The following SCRG1 variants were observed in gnomAD, a reference collection of about 807,000 sequenced individuals.
SCRG1 encodes the protein scrapie-responsive protein 1.
In SCRG1, 3 loss-of-function variants were observed where a neutral mutation model predicts 7.7. That is an observed-to-expected ratio of 0.39 (90% CI 0.18 to 1.01). The LOEUF is 1.01. SCRG1 is among the 50% of genes least tolerant of loss of function. SCRG1 has a pLI of 0.36. For synonymous variants in SCRG1, 46 were observed against 41.2 expected, an observed-to-expected ratio of 1.12 and a Z score of -0.44; for missense variants, 110 against 117.2, an observed-to-expected ratio of 0.94 and a Z score of 0.28.
the SCRG1 span, among the ~76,000 whole-genome samples, chr4:173,506,639 T>A: frequency 6.6e-6 from 1 of 152,174 alleles, no homozygotes; most frequent in Admixed American, 6.5e-5. This position sits in a 1 kb window ranked among gnomAD's most constrained non-coding sequence, Gnocchi z 5.3. Flanking sequence ...ATTTTATTAC[T>A]TCTCTTTTCC....
chr4:173,388,121 C>A lies in SCRG1; in HGVS notation c.*220G>T, dbSNP rs969964410. 1 of 448,352 alleles carries A rather than the reference C, an allele frequency of 2.2e-6. No homozygotes were observed. Among genetic ancestry groups the A allele is most frequent in the Middle Eastern group, 5.7e-4 (1 of 1,748 alleles). The allele number at this position is 448,352 out of a possible 1,614,324, so 27.8% of individuals were successfully genotyped here. A position where few individuals can be genotyped will look rare whatever the true frequency, so the allele number is the denominator to read the frequency against. Reference sequence around the variant, plus strand: ...CACCTCATAGATTACATTTTCTAGGCAAAATTTTTAACCAATGCCAACAAT... The same window carrying A: ...CACCTCATAGATTACATTTTCTAGGAAAAATTTTTAACCAATGCCAACAAT... On this transcript the variant is annotated 3_prime_UTR_variant, in exon 3 of 3. Transcript: ENST00000296506.
the SCRG1 span, among the ~76,000 whole-genome samples, chr4:173,452,336 T>C: frequency 1.3e-5 from 2 of 152,104 alleles, no homozygotes; most frequent in Non-Finnish European, 2.9e-5. Flanking sequence ...TATTTTCATG[T>C]TGAGTGGGCT....
At chr4:173,512,725 C>A in the SCRG1 span, among the ~76,000 whole-genome samples, 1 of 152,194 alleles carries the variant, frequency 6.6e-6, no homozygotes, top group Non-Finnish European at 1.5e-5. Flanking sequence ...AAGATGTGTC[C>A]TTTTCTCCAT....
At chr4:173,461,885 GAATC>G in the SCRG1 span, among the ~76,000 whole-genome samples, 1 of 140,858 alleles carries the variant, frequency 7.1e-6, no homozygotes, top group Non-Finnish European at 1.6e-5. Context: ...TAAAAAAAAA[GAATC>G]AAGCAGAAAT....
chr4:173,421,776 G>T, the SCRG1 span, among the ~76,000 whole-genome samples: 1 of 152,166 alleles, frequency 6.6e-6, no homozygotes, highest in South Asian at 2.1e-4. Flanking sequence ...AATATCTTTA[G>T]TATGGGGCAG....
At chr4:173,407,672 G>C (rs1430589616), upstream of SCRG1, among the ~76,000 whole-genome samples, 1 of 152,180 alleles carries the variant, frequency 6.6e-6, no homozygotes, top group African/African-American at 2.4e-5. Flanking sequence ...CCTTTATGCA[G>C]CTTCTCAAAT....
the SCRG1 span, among the ~76,000 whole-genome samples, chr4:173,412,608 G>A: frequency 3.3e-5 from 5 of 152,154 alleles, no homozygotes; most frequent in African/African-American, 4.8e-5. Context: ...CATGCTCTTC[G>A]TGACTTACTG....
the SCRG1 span, among the ~76,000 whole-genome samples, chr4:173,467,406 C>A: frequency 1.3e-5 from 2 of 152,080 alleles, no homozygotes; most frequent in African/African-American, 4.8e-5. Context: ...AAGAGACAGG[C>A]AAGCACACAG....
the SCRG1 span, among the ~76,000 whole-genome samples, chr4:173,476,380 A>ATATATATATATATATATAT: frequency 2.5e-4 from 35 of 138,520 alleles, no homozygotes; most frequent in South Asian, 4.6e-4. Context: ...ATATATATAT[A>ATATATATATATATATATAT]ATGAATTGAA....
At chr4:173,489,062 T>C in the SCRG1 span, among the ~76,000 whole-genome samples, 20 of 152,238 alleles carry the variant, frequency 1.3e-4, no homozygotes, top group African/African-American at 4.6e-4. Flanking sequence ...TCATTTTACA[T>C]GGAAGGACAT....
At chr4:173,483,455 T>TATATA in the SCRG1 span, among the ~76,000 whole-genome samples, 2 of 5,974 alleles carry the variant, frequency 3.3e-4, no homozygotes, top group Non-Finnish European at 4.8e-4. Context: ...TATATCATGA[T>TATATA]ATATATTATA....
the SCRG1 span, among the ~76,000 whole-genome samples, chr4:173,484,527 A>G: frequency 1.4e-5 from 1 of 73,818 alleles, no homozygotes; most frequent in Non-Finnish European, 2.4e-5. Context: ...CATATAATAT[A>G]TATTATATAT....
At chr4:173,451,593 T>G in the SCRG1 span, among the ~76,000 whole-genome samples, 1 of 144,990 alleles carries the variant, frequency 6.9e-6, no homozygotes, top group Non-Finnish European at 1.5e-5. Flanking sequence ...ATTGCTACAG[T>G]GGTACCATTT....
the SCRG1 span, among the ~76,000 whole-genome samples, chr4:173,514,210 G>A: frequency 4.6e-3 from 700 of 152,260 alleles, 1 homozygote; most frequent in Non-Finnish European, 7.7e-3. Flanking sequence ...TTTCCAAATG[G>A]GGAGACTTGT....
chr4:173,505,976 ATCCTC>A, the SCRG1 span, among the ~76,000 whole-genome samples: 1 of 152,124 alleles, frequency 6.6e-6, no homozygotes, highest in African/African-American at 2.4e-5. This position sits in a 1 kb window ranked among gnomAD's most constrained non-coding sequence, Gnocchi z 4.4. Context: ...AACCAAGTTA[ATCCTC>A]TCCTAGGTTT....
At chr4:173,405,431 T>G (rs1739875696) in intron 1 of SCRG1, among the ~76,000 whole-genome samples, 1 of 152,224 alleles carries the variant, frequency 6.6e-6, no homozygotes, top group African/African-American at 2.4e-5. Context: ...ACTGCACATT[T>G]ACTCTTTTTC....
intron 1 of SCRG1, among the ~76,000 whole-genome samples, chr4:173,397,029 C>T (rs995712468): frequency 2.6e-5 from 4 of 151,828 alleles, no homozygotes; most frequent in African/African-American, 7.3e-5. Context: ...CTCCAGCCTG[C>T]GCGATGGAGC....
At chr4:173,444,009 C>T in the SCRG1 span, among the ~76,000 whole-genome samples, 94 of 149,478 alleles carry the variant, frequency 6.3e-4, no homozygotes, top group African/African-American at 2.0e-3. Flanking sequence ...GTTTTACTCT[C>T]GTCACCCAGG....
At chr4:173,422,214 A>G in the SCRG1 span, among the ~76,000 whole-genome samples, 1 of 152,254 alleles carries the variant, frequency 6.6e-6, no homozygotes. Context: ...CAAAAACATT[A>G]TCAACAGCTG....
Sources: gnomAD v4.1 joint callset for allele counts (sites outside exome capture counted in the v4.1 genomes callset) on GRCh38, gnomAD v4.1.1 for gene constraint, Gnocchi (gnomAD v3.1) non-coding constraint, MANE v1.5 for transcripts, NCBI Gene and HGNC (gene_info 2026-07-23, HGNC 2026-07-21) for gene names.